Variants in IRF3 observed in about 807,000 individuals in gnomAD.
The protein encoded by IRF3 is interferon regulatory factor 3.
In IRF3, 29 loss-of-function variants were observed where a neutral mutation model predicts 43.2. That is an observed-to-expected ratio of 0.67 (90% CI 0.50 to 0.91). IRF3 has a LOEUF of 0.91. Ranked by LOEUF, IRF3 falls within the 40% of genes least tolerant of loss-of-function variation. IRF3 has a pLI of 0.00. For synonymous variants in IRF3, 228 were observed against 233.9 expected, an observed-to-expected ratio of 0.97 and a Z score of 0.23; for missense variants, 505 against 559.1, an observed-to-expected ratio of 0.90 and a Z score of 0.98.
At chr19:49,660,679 C>T (rs1371664676) in intron 7 of IRF3, 34 bp downstream of exon 7, 6 of 1,528,770 alleles carry the variant, frequency 3.9e-6, no homozygotes, top group African/African-American at 1.4e-5. Context: ...TAAGGCCACC[C>T]CTTTCAGCCC....
In IRF3 at chr19:49,660,029, C is replaced by CACA. The variant is rs1568452113; in HGVS notation, c.1099-197_1099-196insTGT. On this transcript the variant is annotated intron_variant, in intron 7 of 7. Transcript: ENST00000377139. Reference sequence around the variant, plus strand: ...CACACACACACACACACACACACACCCCCTGCTGTAACTGAACCATAGGCC... The same window carrying CACA: ...CACACACACACACACACACACACACCACACCCTGCTGTAACTGAACCATAGGCC... Among the ~76,000 whole-genome samples, 97 of 48,566 alleles carry CACA rather than the reference C, an allele frequency of 2.0e-3. 3 individuals are homozygous for CACA. The highest frequency in any genetic ancestry group is 4.9e-3 in the Admixed American group (26 of 5,342). The allele number at this position is 48,566 out of a possible 152,430, so 31.9% of individuals were successfully genotyped here. A position where few individuals can be genotyped will look rare whatever the true frequency, so the allele number is the denominator to read the frequency against.
At chr19:49,665,556 C>A (rs959719783) in intron 1 of IRF3, 75 bp downstream of exon 1, 37 of 427,254 alleles carry the variant, frequency 8.7e-5, no homozygotes, top group African/African-American at 6.9e-4. Context: ...TTTCCACTCT[C>A]CGTGCAGACC....
Position 49,665,674 on chromosome 19 carries a change from C to A in IRF3, c.-52G>T. ...GCGTGCGGGCAGCTGGAACCCACCC[C>A]TGTCTTGGAGCTCCGGGTAGCTCTC... On this transcript the variant is annotated 5_prime_UTR_variant, in exon 1 of 8. The change creates a new upstream start codon in the 5' untranslated region. Transcript: ENST00000377139. 9.1e-7 allele frequency: 1 copy of A among 1,102,830 alleles called. No homozygotes were observed. The highest frequency in any genetic ancestry group is 1.3e-6 in the Non-Finnish European group (1 of 783,650). 68.3% of individuals were successfully genotyped at this position (1,102,830 alleles called of 1,614,324 possible).
chr19:49,660,664 C>CAA, intron 7 of IRF3, 49 bp downstream of exon 7: 2 of 1,489,552 alleles, frequency 1.3e-6, no homozygotes, highest in Non-Finnish European at 1.8e-6. Context: ...AACCTCTTCC[C>CAA]TCTGTAAGGC....
At chr19:49,661,902 G>A (rs761098008) in intron 6 of IRF3, 46 bp downstream of exon 6, 2 of 1,555,782 alleles carry the variant, frequency 1.3e-6, no homozygotes, top group African/African-American at 1.4e-5. Context: ...TAACCACTGT[G>A]CAGGCTGCTT....
chr19:49,663,124 A>G, intron 4 of IRF3, 64 bp downstream of exon 4: 1 of 1,388,388 alleles, frequency 7.2e-7, no homozygotes, highest in Non-Finnish European at 1.0e-6. Flanking sequence ...GTCTAGAGGG[A>G]GAGGACAAGG....
chr19:49,662,130 C>T lies in IRF3; in HGVS notation c.800G>A (p.Cys267Tyr), dbSNP rs763925335. 1 of 1,613,870 alleles carries T rather than the reference C, an allele frequency of 6.2e-7. No homozygotes were observed. The highest frequency in any genetic ancestry group is 8.5e-7 in the Non-Finnish European group (1 of 1,179,822). The change falls in exon 6 of 8, where the codon TGC becomes TAC. Residue 267 changes from cysteine (C) to tyrosine (Y), a missense_variant. Coordinates refer to ENST00000377139, the MANE Select transcript of IRF3 (RefSeq NM_001571.6). ...VMSYVRHVLSCLGGGLALWRA... is the reference protein window; with the variant it reads ...VMSYVRHVLSYLGGGLALWRA... ...CCAGAGAGCCAGTCCCCCACCCAGG[C>T]AGCTCAGCACATGCCTCACGTAGCT...
chr19:49,659,996 C>CATATACACACACACACACACATAT (rs770396432), intron 7 of IRF3, among the ~76,000 whole-genome samples, 163 bp from the exon 8 acceptor site: 1 of 120,548 alleles, frequency 8.3e-6, no homozygotes, highest in Admixed American at 8.2e-5. Flanking sequence ...CACACACACA[C>CATATACACACACACACACACATAT]ACACACACAC....
Position 49,664,785 on chromosome 19 carries a change from C to G in IRF3, c.54G>C (p.Leu18=). The change falls in exon 2 of 8, where the codon CTG becomes CTC. Residue 18 remains leucine (L), a synonymous_variant. Transcript: ENST00000377139. ...ILPWLVSQLD[L]GQLEGVAWVN... The stretch of plus-strand genomic sequence containing the variant: ...CCCAGGCCACGCCCTCCAGTTGCCC[C>G]AGGTCCAGCTGCGACACCAGCCAGG... The G allele has an allele frequency of 1.2e-6, 2 of 1,613,980 alleles. No individual in the cohort carries two copies. The highest frequency in any genetic ancestry group is 1.7e-6 in the Non-Finnish European group (2 of 1,179,974).
Position 49,662,539 on chromosome 19 carries a change from C to T in IRF3, c.487G>A (p.Ala163Thr), listed in dbSNP as rs763424189. The change falls in exon 5 of 8, where the codon GCC becomes ACC. Residue 163 changes from alanine to threonine, a missense_variant. Physicochemically the swap from Ala to Thr is moderately conservative, Grantham distance 58 (BLOSUM62 0). Transcript: ENST00000377139. ...PDPGPPSLAV[A>T]PEPCPQPLRS... ...AGGGGCTGAGGGCAGGGCTCAGGGG[C>T]TACAGCCAGGCTTGGGGGTCCCGGA... is the stretch of plus-strand genomic sequence containing the variant. 7 of 1,535,272 alleles carry T rather than the reference C, an allele frequency of 4.6e-6. No individual in the cohort carries two copies. The African/African-American group carries it at 9.8e-5, about 21-fold the overall frequency.
intron 7 of IRF3, among the ~76,000 whole-genome samples, chr19:49,660,240 T>C (rs1178100358): frequency 2.0e-5 from 3 of 152,184 alleles, no homozygotes; most frequent in African/African-American, 7.2e-5. Context: ...CCCTACGGCT[T>C]GTTAGGGACC....
At chr19:49,664,573 C>G (rs756947611) in intron 2 of IRF3, 101 bp downstream of exon 2, 2 of 1,609,270 alleles carry the variant, frequency 1.2e-6, no homozygotes, top group Non-Finnish European at 1.7e-6. Flanking sequence ...ACGAGCCCGC[C>G]CCTCGCGCGC....
rs1216817614 is a variant in IRF3 at position 49,660,079 on chromosome 19, TACACACACACACAAACAC to T, written c.1099-264_1099-247del. Among the ~76,000 whole-genome samples, 3 of 145,248 alleles carry T rather than the reference TACACACACACACAAACAC, an allele frequency of 2.1e-5. No individual in the cohort carries two copies. In the South Asian group the frequency reaches 6.6e-4, roughly 32 times the overall value. ...CTAGGGCTGCTGGGAGTTGTAGTTT[TACACACACACACAAACAC>T]ACACACACACACACGTCAGGGCTGA... is the stretch of plus-strand genomic sequence containing the variant. On this transcript the variant is annotated intron_variant, in intron 7 of 7. Coordinates refer to ENST00000377139, the MANE Select transcript of IRF3 (RefSeq NM_001571.6).
At position 49,663,477 on chromosome 19, in the gene IRF3, C is replaced by T. The variant is rs1315614215; in HGVS notation, c.203G>A (p.Arg68Lys). ...AEATGAYVPGRDKPDLPTWKR... is the reference protein window; with the variant it reads ...AEATGAYVPGKDKPDLPTWKR... ...CCAGGTTGGCAGGTCTGGCTTATCC[C>T]TCCCGGGAACATATGCACCAGTGGC... is the stretch of plus-strand genomic sequence containing the variant. Residue 68 changes from arginine to lysine, a missense_variant, in exon 3 of 8, where the codon AGG (arginine) becomes AAG (lysine). By Grantham distance (26) the Arg-to-Lys change is conservative (BLOSUM62 2). Transcript: ENST00000377139. The T allele has an allele frequency of 6.2e-7, 1 of 1,614,172 alleles. No homozygotes were observed. Among genetic ancestry groups the T allele is most frequent in the East Asian group, 2.2e-5 (1 of 44,878 alleles).
rs1466606171 is a variant in IRF3 at position 49,663,325 on chromosome 19, A to G, written c.337+18T>C. On this transcript the variant is annotated intron_variant, in intron 3 of 7. Coordinates refer to ENST00000377139, the MANE Select transcript of IRF3 (RefSeq NM_001571.6). ...CCTTGGGGCCCCAGCCTCCCACACG[A>G]ACCCCAAGCTGGCAGACCTGAGTTC... The G allele has an allele frequency of 3.1e-6, 5 of 1,614,054 alleles. No individual in the cohort carries two copies. The South Asian group carries it at 5.5e-5, about 18-fold the overall frequency.
At chr19:49,660,027 A>ACACACCC (rs57168131) in intron 7 of IRF3, among the ~76,000 whole-genome samples, 194 bp from the exon 8 acceptor site, 1 of 74,716 alleles carries the variant, frequency 1.3e-5, no homozygotes, top group Non-Finnish European at 2.4e-5. Flanking sequence ...ACACACACAC[A>ACACACCC]CCCCCTGCTG....
chr19:49,659,896 G>A, intron 7 of IRF3, 63 bp from the exon 8 acceptor site: 1 of 1,520,130 alleles, frequency 6.6e-7, no homozygotes, highest in Non-Finnish European at 8.9e-7. Context: ...CAAGGTAGGA[G>A]TCAGGGCTTG....
Position 49,660,019 on chromosome 19 carries a change from ACACACACACC to A in IRF3, c.1099-196_1099-187del, listed in dbSNP as rs893428726. Among the ~76,000 whole-genome samples the A allele has an allele frequency of 1.8e-4, 21 of 116,554 alleles. 2 individuals are homozygous for A. Among genetic ancestry groups the A allele is most frequent in the Admixed American group, 1.4e-3 (17 of 12,178 alleles). 76.5% of individuals were successfully genotyped at this position (116,554 alleles called of 152,430 possible). On this transcript the variant is annotated intron_variant, in intron 7 of 7. Coordinates refer to ENST00000377139, the MANE Select transcript of IRF3 (RefSeq NM_001571.6). ...CACACACACACACACACACACACACACACACACACCCCCTGCTGTAACTGAACCATAGGCC... is the reference window on the plus strand; with the variant it reads ...CACACACACACACACACACACACACACCCTGCTGTAACTGAACCATAGGCC...
At chr19:49,664,581 C>T in intron 2 of IRF3, 93 bp downstream of exon 2, 2 of 1,609,820 alleles carry the variant, frequency 1.2e-6, no homozygotes, top group South Asian at 1.1e-5. Context: ...GCCCCTCGCG[C>T]GCCACCTCCG....
Sources: gnomAD v4.1 joint callset for allele counts (sites outside exome capture counted in the v4.1 genomes callset) on GRCh38, gnomAD v4.1.1 for gene constraint, MANE v1.5 for transcripts, NCBI Gene and HGNC (gene_info 2026-07-23, HGNC 2026-07-21) for gene names.